The following AFAP1L2 variants were observed in gnomAD, a reference collection of about 807,000 sequenced individuals.
AFAP1L2 encodes actin filament-associated protein 1-like 2.
AFAP1L2 carries 46 observed loss-of-function variants against 99.3 expected under a neutral mutation model. The observed-to-expected ratio is 0.46, with a 90% confidence interval of 0.37 to 0.59. The LOEUF is 0.59. AFAP1L2 is among the 20% of genes least tolerant of loss of function. The pLI, the probability that AFAP1L2 is intolerant of heterozygous loss-of-function variation, is 0.00. For missense variants in AFAP1L2, 959 were observed against 1,034.9 expected, an observed-to-expected ratio of 0.93 and a Z score of 1.01; for synonymous variants, 397 against 419.1, an observed-to-expected ratio of 0.95 and a Z score of 0.64.
At chr10:114,358,505 C>T (rs1383977303) in intron 1 of AFAP1L2, among the ~76,000 whole-genome samples, 1 of 152,170 alleles carries the variant, frequency 6.6e-6, no homozygotes, top group Non-Finnish European at 1.5e-5. Context: ...GAATTCAAAT[C>T]ACTCTAACTC....
intron 1 of AFAP1L2, among the ~76,000 whole-genome samples, chr10:114,346,607 C>G (rs2049619431): frequency 6.6e-6 from 1 of 152,208 alleles, no homozygotes; most frequent in Non-Finnish European, 1.5e-5. Context: ...CTGGAACTCG[C>G]TCACCACATT....
intron 1 of AFAP1L2, among the ~76,000 whole-genome samples, chr10:114,357,817 G>C (rs2184358): frequency 0.6 from 91,987 of 152,114 alleles, 28,691 homozygotes; most frequent in South Asian, 0.7. Flanking sequence ...TCAACCATTA[G>C]TCAATCAGCT....
In AFAP1L2 at chr10:114,298,398, A is replaced by C. The variant is rs183334595; in HGVS notation, c.2113+862T>G. Among the ~76,000 whole-genome samples, 10 of 152,262 alleles carry C rather than the reference A, an allele frequency of 6.6e-5. No homozygotes were observed. The East Asian group carries it at 1.9e-3, about 29-fold the overall frequency. On this transcript the variant is annotated intron_variant, in intron 16 of 18. Transcript: ENST00000304129. ...CTCAAAAAAAGAAAGCCAGTGGGTGACTTTGCACCCTCAAGACCTTCCCTC... is the reference window on the plus strand; with the variant it reads ...CTCAAAAAAAGAAAGCCAGTGGGTGCCTTTGCACCCTCAAGACCTTCCCTC...
chr10:114,302,573 C>A (rs556683532), intron 11 of AFAP1L2, 89 bp from the exon 12 acceptor site: 8 of 1,529,808 alleles, frequency 5.2e-6, no homozygotes, highest in Admixed American at 3.7e-5. Context: ...CGTACCCCTA[C>A]CCCTGAGCCT....
chr10:114,298,292 C>T (rs1401991827), intron 16 of AFAP1L2, among the ~76,000 whole-genome samples: 2 of 152,068 alleles, frequency 1.3e-5, no homozygotes, highest in Non-Finnish European at 2.9e-5. Flanking sequence ...ACAGGAGAAT[C>T]GCTTGAACCC....
chr10:114,359,714 G>A (rs1303100578), intron 1 of AFAP1L2, among the ~76,000 whole-genome samples: 1 of 152,134 alleles, frequency 6.6e-6, no homozygotes, highest in East Asian at 1.9e-4. Context: ...GATAGTTCTT[G>A]GTACACTGTA....
chr10:114,298,984 G>A (rs1185777094), intron 16 of AFAP1L2, among the ~76,000 whole-genome samples: 2 of 152,220 alleles, frequency 1.3e-5, no homozygotes, highest in African/African-American at 2.4e-5. Flanking sequence ...CACGGCCTAT[G>A]CATAACCCTG....
chr10:114,327,047 C>G (rs2046386696), intron 4 of AFAP1L2, among the ~76,000 whole-genome samples: 1 of 148,382 alleles, frequency 6.7e-6, no homozygotes, highest in African/African-American at 2.4e-5. Context: ...ATTATCAGAG[C>G]TTCAAGGAGA....
At chr10:114,311,423 A>G (rs1331072130) in intron 7 of AFAP1L2, among the ~76,000 whole-genome samples, 2 of 152,222 alleles carry the variant, frequency 1.3e-5, no homozygotes, top group African/African-American at 4.8e-5. Flanking sequence ...TGGGTTTCAA[A>G]TCAGAAGAGC....
Position 114,297,327 on chromosome 10 carries a change from C to G in AFAP1L2, c.2200G>C (p.Glu734Gln). 1.2e-6 allele frequency: 2 copies of G among 1,613,960 alleles called. No individual in the cohort carries two copies. Among genetic ancestry groups the G allele is most frequent in the South Asian group, 1.1e-5 (1 of 91,074 alleles). ...TCCTTCACCTCCATGATGCTGAGCTCCAGGTCCACGCGCCTGCTCTCCTCG... is the reference window on the plus strand; with the variant it reads ...TCCTTCACCTCCATGATGCTGAGCTGCAGGTCCACGCGCCTGCTCTCCTCG... Reference protein sequence around the residue: ...RGEESRRVDLELSIMEVKDNL... With the variant: ...RGEESRRVDLQLSIMEVKDNL... Residue 734 changes from glutamate to glutamine, a missense_variant, in exon 17 of 19, where the codon GAG becomes CAG. This residue lies in a region of AFAP1L2 where 576 missense variants were observed against 562.1 expected (regional missense o/e 1.02). Transcript: ENST00000304129.
chr10:114,307,083 C>T (rs2042563170), intron 10 of AFAP1L2, among the ~76,000 whole-genome samples: 1 of 152,172 alleles, frequency 6.6e-6, no homozygotes, highest in African/African-American at 2.4e-5. Context: ...ACCAGGCCCA[C>T]CCCAAGATAT....
intron 1 of AFAP1L2, among the ~76,000 whole-genome samples, chr10:114,395,963 T>C (rs2057670961): frequency 6.6e-6 from 1 of 152,160 alleles, no homozygotes; most frequent in African/African-American, 2.4e-5. Context: ...CATCAATGCT[T>C]TCCCCCAACA....
In AFAP1L2 at chr10:114,327,153, A is replaced by T. The variant is rs112066517; in HGVS notation, c.316-3892T>A. On this transcript the variant is annotated intron_variant, in intron 4 of 18. Transcript: ENST00000304129. ...CCGTGAATTTTATATATATTTATAT[A>T]TATATATATATATATATATATTTTT... is the stretch of plus-strand genomic sequence containing the variant. Among the ~76,000 whole-genome samples the T allele has an allele frequency of 7.6e-4, 58 of 76,184 alleles. 3 individuals carry two copies. Among genetic ancestry groups the T allele is most frequent in the Non-Finnish European group, 1.5e-3 (47 of 30,654 alleles). 50.0% of individuals were successfully genotyped at this position (76,184 alleles called of 152,430 possible).
chr10:114,347,051 G>A (rs2049707178), intron 1 of AFAP1L2, among the ~76,000 whole-genome samples: 1 of 152,188 alleles, frequency 6.6e-6, no homozygotes, highest in Non-Finnish European at 1.5e-5. Flanking sequence ...GACCTGAGAT[G>A]GAGCATGATT....
intron 1 of AFAP1L2, among the ~76,000 whole-genome samples, chr10:114,347,748 G>T (rs1265062092): frequency 6.6e-6 from 1 of 152,090 alleles, no homozygotes; most frequent in Non-Finnish European, 1.5e-5. Context: ...TGGCCTCAGG[G>T]GATCCTCCTG....
At chr10:114,369,852 G>T (rs145867381) in intron 1 of AFAP1L2, among the ~76,000 whole-genome samples, 1 of 152,124 alleles carries the variant, frequency 6.6e-6, no homozygotes, top group African/African-American at 2.4e-5. Flanking sequence ...TTGCACTTCA[G>T]TCCAAAACCA....
intron 10 of AFAP1L2, chr10:114,305,181 G>T (rs1279489621): frequency 2.8e-5 from 11 of 399,138 alleles, no homozygotes; most frequent in Non-Finnish European, 4.9e-5. Context: ...CTGCAGGAGG[G>T]GACGCAGATG....
chr10:114,333,323 G>A, intron 2 of AFAP1L2, 28 bp from the exon 3 acceptor site: 1 of 1,588,646 alleles, frequency 6.3e-7, no homozygotes, highest in South Asian at 1.1e-5. Context: ...CACAGGCTTT[G>A]TGTGACTTCC....
chr10:114,404,099 C>A (rs1331152909), intron 1 of AFAP1L2, among the ~76,000 whole-genome samples: 2 of 152,192 alleles, frequency 1.3e-5, no homozygotes, highest in Non-Finnish European at 2.9e-5. Context: ...CTTCCTCGGC[C>A]CCAGGCATCT....
Sources: allele counts gnomAD v4.1 joint callset (sites outside exome capture counted in the v4.1 genomes callset), GRCh38; gene constraint gnomAD v4.1.1; regional missense constraint gnomAD v4.1.1; transcripts MANE v1.5; gene names NCBI Gene and HGNC (gene_info 2026-07-23, HGNC 2026-07-21).